Variants in THSD4 observed in about 807,000 individuals in gnomAD.
THSD4 encodes thrombospondin type 1 domain containing 4, also known as thrombospondin type-1 domain-containing protein 4.
Under a neutral mutation model 119.0 loss-of-function variants are expected in THSD4, and 69 were observed. That is an observed-to-expected ratio of 0.58 (90% CI 0.48 to 0.71). The LOEUF (loss-of-function observed/expected upper bound fraction) is 0.71. Among genes scored for constraint, THSD4 ranks in the 30% least tolerant of loss-of-function variants. The probability of loss-of-function intolerance (pLI) is 0.00; values close to 1 mark genes in which losing one functional copy is unlikely to be tolerated. For missense variants in THSD4, 1,393 were observed against 1,391.1 expected (o/e 1.00, Z -0.02); for synonymous variants, 524 against 540.4 (o/e 0.97, Z 0.42).
At position 71,320,013 on chromosome 15, in the gene THSD4, G is replaced by T. The variant is rs543054165; in HGVS notation, c.1015+63298G>T. ...TCATAGAACCATTTTTAAATTGGTG[G>T]TTGTTGTTAGATCTCTTGGCACTAA... is the stretch of plus-strand genomic sequence containing the variant. On this transcript the variant is annotated intron_variant, in intron 6 of 17. Transcript: ENST00000261862. 3.3e-5 allele frequency among the ~76,000 whole-genome samples: 5 copies of T among 152,294 alleles called. No homozygotes were observed. The South Asian group carries it at 6.2e-4, about 19-fold the overall frequency.
At chr15:71,601,675 A>G (rs1478113746) in intron 7 of THSD4, among the ~76,000 whole-genome samples, 1 of 152,240 alleles carries the variant, frequency 6.6e-6, no homozygotes, top group Non-Finnish European at 1.5e-5. Flanking sequence ...GGACGTGGAA[A>G]AAATCTAGCT....
intron 6 of THSD4, among the ~76,000 whole-genome samples, chr15:71,369,943 G>T (rs7171613): frequency 0.99 from 150,953 of 152,282 alleles, 74,827 homozygotes; most frequent in Middle Eastern, 1. Context: ...CTATTACTTA[G>T]TGCCTCAATT....
At chr15:71,551,558 A>T (rs1426655865) in intron 7 of THSD4, among the ~76,000 whole-genome samples, 1 of 152,184 alleles carries the variant, frequency 6.6e-6, no homozygotes, top group Non-Finnish European at 1.5e-5. Flanking sequence ...CACAGCTATG[A>T]TTTATTACAG....
intron 1 of THSD4, among the ~76,000 whole-genome samples, chr15:71,139,883 G>A (rs928264856): frequency 6.6e-6 from 1 of 152,226 alleles, no homozygotes; most frequent in African/African-American, 2.4e-5. Flanking sequence ...TCCCTTCAAG[G>A]AGTTGCAGCA....
At chr15:71,561,906 ACACACACACACAC>A (rs1343728356) in intron 7 of THSD4, among the ~76,000 whole-genome samples, 39 of 30,808 alleles carry the variant, frequency 1.3e-3, no homozygotes, top group African/African-American at 5.6e-3. Context: ...ACACACACAC[ACACACACACACAC>A]AAACACTCAC....
At chr15:71,454,804 C>T (rs974437420) in intron 7 of THSD4, among the ~76,000 whole-genome samples, 3 of 152,150 alleles carry the variant, frequency 2.0e-5, no homozygotes, top group Admixed American at 6.5e-5. Context: ...AAGGTCATTC[C>T]AAAGAGGAAC....
chr15:71,556,258 TATCC>T (rs1296329223), intron 7 of THSD4, among the ~76,000 whole-genome samples: 2 of 152,348 alleles, frequency 1.3e-5, no homozygotes, highest in East Asian at 1.9e-4. Flanking sequence ...TGAGCCATTC[TATCC>T]ATGAACATAG....
At chr15:71,605,878 T>C (rs573053814) in intron 7 of THSD4, among the ~76,000 whole-genome samples, 1 of 152,232 alleles carries the variant, frequency 6.6e-6, no homozygotes, top group South Asian at 2.1e-4. Flanking sequence ...GCTCCGATGC[T>C]TGAAGTCTGA....
chr15:71,460,474 G>A (rs575386619), intron 7 of THSD4, among the ~76,000 whole-genome samples: 1 of 152,208 alleles, frequency 6.6e-6, no homozygotes, highest in Admixed American at 6.5e-5. Flanking sequence ...TGCCAGTAGG[G>A]CTGGATGGCA....
chr15:71,246,861 C>T (rs954329313), intron 5 of THSD4, among the ~76,000 whole-genome samples: 15 of 151,126 alleles, frequency 9.9e-5, no homozygotes, highest in Non-Finnish European at 1.8e-4. Flanking sequence ...ATGTGATGGA[C>T]GCAAGACTCA....
At chr15:71,356,887 A>G (rs1256346742) in intron 6 of THSD4, among the ~76,000 whole-genome samples, 2 of 152,178 alleles carry the variant, frequency 1.3e-5, no homozygotes, top group Admixed American at 6.5e-5. Context: ...GTAGCACTGT[A>G]TGGCAGGAAG....
At chr15:71,733,158 G>A (rs1169213252) in intron 10 of THSD4, 1 of 152,254 alleles carries the variant, frequency 6.6e-6, no homozygotes, top group Admixed American at 6.5e-5. Context: ...CTCAGCTCAT[G>A]AATAGCATGG....
intron 7 of THSD4, among the ~76,000 whole-genome samples, chr15:71,554,642 C>T (rs2048990050): frequency 6.6e-6 from 1 of 152,110 alleles, no homozygotes; most frequent in Non-Finnish European, 1.5e-5. Flanking sequence ...GTGATCCTCC[C>T]ACCTCAGACT....
At chr15:71,767,892 A>T (rs932450541) in intron 16 of THSD4, among the ~76,000 whole-genome samples, 3 of 152,232 alleles carry the variant, frequency 2.0e-5, no homozygotes, top group Non-Finnish European at 4.4e-5. Flanking sequence ...CAACTTGTAG[A>T]GGCTCCTGTG....
intron 7 of THSD4, among the ~76,000 whole-genome samples, chr15:71,418,740 G>C (rs1454314488): frequency 9.2e-6 from 1 of 108,592 alleles, no homozygotes; most frequent in Admixed American, 1.2e-4. Flanking sequence ...GTTTGAATAG[G>C]ATTGGTGTAT....
chr15:71,325,339 T>C (rs2045324571), intron 6 of THSD4, among the ~76,000 whole-genome samples: 1 of 152,214 alleles, frequency 6.6e-6, no homozygotes, highest in Non-Finnish European at 1.5e-5. Flanking sequence ...CAGCTTTCTC[T>C]TTATTCCTCA....
intron 6 of THSD4, among the ~76,000 whole-genome samples, chr15:71,362,314 T>G (rs1324703592): frequency 1.3e-5 from 2 of 152,084 alleles, no homozygotes; most frequent in African/African-American, 4.8e-5. Context: ...GGTACAGAAG[T>G]AGGAGGAGAA....
intron 7 of THSD4, among the ~76,000 whole-genome samples, chr15:71,431,784 C>T (rs1007839059): frequency 6.6e-6 from 1 of 152,118 alleles, no homozygotes; most frequent in African/African-American, 2.4e-5. Flanking sequence ...CAAGACAATT[C>T]AAGGCAACCC....
In THSD4 at chr15:71,206,848, A is replaced by T. The variant is rs539463447; in HGVS notation, c.100-8187A>T. Among the ~76,000 whole-genome samples, 9 of 152,300 alleles carry T rather than the reference A, an allele frequency of 5.9e-5. No individual in the cohort carries two copies. In the South Asian group the frequency reaches 1.7e-3, roughly 28 times the overall value. On this transcript the variant is annotated intron_variant, in intron 3 of 17. Coordinates refer to ENST00000261862, the MANE Select transcript of THSD4 (RefSeq NM_024817.3). The stretch of plus-strand genomic sequence containing the variant: ...TTAATCTATTTATTTTTATTTATTG[A>T]GCAAGCAATATTGTAACCATGACTG...
Sources: gnomAD v4.1 joint callset for allele counts (sites outside exome capture counted in the v4.1 genomes callset) on GRCh38, gnomAD v4.1.1 for gene constraint, MANE v1.5 for transcripts, NCBI Gene and HGNC (gene_info 2026-07-23, HGNC 2026-07-21) for gene names.